The following NHSL2 variants were observed in gnomAD, a reference collection of about 807,000 sequenced individuals.
NHSL2 encodes NHS-like protein 2.
Under a neutral mutation model 53.4 loss-of-function variants are expected in NHSL2, and 27 were observed. That is an observed-to-expected ratio of 0.51 (90% CI 0.37 to 0.70). The LOEUF (loss-of-function observed/expected upper bound fraction) is 0.70, where lower values mean the gene tolerates loss of function less well. NHSL2 is among the 30% of genes least tolerant of loss of function. The probability of loss-of-function intolerance (pLI) is 0.00; values close to 1 mark genes in which losing one functional copy is unlikely to be tolerated. For missense variants in NHSL2, 892 were observed against 980.1 expected (o/e 0.91, Z 1.20); for synonymous variants, 408 against 404.1 (o/e 1.01, Z -0.12).
At chrX:72,107,292 T>C (rs1468878326) in intron 1 of NHSL2, among the ~76,000 whole-genome samples, 1 of 110,639 alleles carries the variant, frequency 9.0e-6, no homozygotes, top group Non-Finnish European at 1.9e-5. Flanking sequence ...AATAAATAAA[T>C]AAATAAACAA....
intron 1 of NHSL2, among the ~76,000 whole-genome samples, chrX:71,952,765 C>T (rs2041826710): frequency 9.0e-6 from 1 of 110,971 alleles, no homozygotes; most frequent in Admixed American, 9.5e-5. Context: ...TTTCACCTTC[C>T]TGTTGGGGTC....
At chrX:71,987,342 A>C (rs900254657) in intron 1 of NHSL2, among the ~76,000 whole-genome samples, 1 of 112,821 alleles carries the variant, frequency 8.9e-6, no homozygotes, top group Non-Finnish European at 1.9e-5. Flanking sequence ...CCAGGTCTGG[A>C]GTCTAGAACA....
chrX:72,151,228 G>C lies in NHSL2; in HGVS notation c.*7654G>C, dbSNP rs971590254. The C allele has an allele frequency of 1.9e-5, 2 of 107,640 alleles. No homozygotes were observed. The highest frequency in any genetic ancestry group is 6.9e-5 in the African/African-American group (2 of 29,151). The allele number at this position is 107,640 out of a possible 1,213,427, so 8.9% of individuals were successfully genotyped here. A position where few individuals can be genotyped will look rare whatever the true frequency, so the allele number is the denominator to read the frequency against. ...TTTAGTAGAGGCAGAGTTTCACCAT[G>C]TTGGCCAGGATGTTCTCGATCTCCT... On this transcript the variant is annotated 3_prime_UTR_variant, in exon 8 of 8. Coordinates refer to ENST00000633930, the MANE Select transcript of NHSL2 (RefSeq NM_001013627.3).
intron 1 of NHSL2, among the ~76,000 whole-genome samples, chrX:71,958,550 C>T (rs2041853563): frequency 9.0e-6 from 1 of 111,629 alleles, no homozygotes; most frequent in Non-Finnish European, 1.9e-5. Context: ...GGGGAGGGCA[C>T]ATTATTTTGC....
At chrX:71,918,497 C>T (rs966697648) in intron 1 of NHSL2, among the ~76,000 whole-genome samples, 28 of 110,907 alleles carry the variant, frequency 2.5e-4, no homozygotes, top group African/African-American at 9.2e-4. Context: ...ATAGCCTGAT[C>T]CCCAGTAACT....
intron 5 of NHSL2, 148 bp downstream of exon 5, chrX:72,137,373 AT>A (rs1208843160): frequency 2.0e-6 from 1 of 510,708 alleles, no homozygotes; most frequent in Non-Finnish European, 3.2e-6. Flanking sequence ...CAATATGGTA[AT>A]TAAGAATAGC....
At chrX:72,092,027 G>A (rs1166655807) in intron 1 of NHSL2, among the ~76,000 whole-genome samples, 1 of 111,466 alleles carries the variant, frequency 9.0e-6, no homozygotes, top group Non-Finnish European at 1.9e-5. Context: ...ACCAAATACA[G>A]AACTCAAGAT....
chrX:72,129,954 G>T, intron 1 of NHSL2: 1 of 1,211,535 alleles, frequency 8.3e-7, no homozygotes, highest in Non-Finnish European at 1.1e-6. Context: ...GAATCAGTTG[G>T]GGGGAGCTGT....
At chrX:72,000,723 C>A (rs1432858569) in intron 1 of NHSL2, among the ~76,000 whole-genome samples, 1 of 111,826 alleles carries the variant, frequency 8.9e-6, no homozygotes, top group South Asian at 3.7e-4. Flanking sequence ...ATCTCCTTCT[C>A]TGACTCTGAC....
chrX:72,085,836 C>T (rs1436768455), intron 1 of NHSL2, among the ~76,000 whole-genome samples: 1 of 108,791 alleles, frequency 9.2e-6, no homozygotes, highest in African/African-American at 3.4e-5. Flanking sequence ...CCCTACCACC[C>T]GTATGCTGCG....
At chrX:72,042,754 CAAA>C (rs5902691) in intron 1 of NHSL2, among the ~76,000 whole-genome samples, 309 of 94,783 alleles carry the variant, frequency 3.3e-3, no homozygotes, top group Middle Eastern at 5.2e-3. Flanking sequence ...ATCCCTGAGC[CAAA>C]AAAAAAAAAA....
chrX:72,024,179 G>A (rs1167095354), intron 1 of NHSL2, among the ~76,000 whole-genome samples: 1 of 112,085 alleles, frequency 8.9e-6, no homozygotes, highest in Non-Finnish European at 1.9e-5. Flanking sequence ...GGAGCGCTGT[G>A]GGTTTCCAAA....
chrX:72,080,506 T>C (rs2041781795), intron 1 of NHSL2, among the ~76,000 whole-genome samples: 1 of 109,721 alleles, frequency 9.1e-6, no homozygotes, highest in Non-Finnish European at 1.9e-5. Flanking sequence ...GTGGATGTGA[T>C]CACATCCCAA....
chrX:72,042,119 G>A (rs1391976798), intron 1 of NHSL2, among the ~76,000 whole-genome samples: 1 of 112,442 alleles, frequency 8.9e-6, no homozygotes, highest in Non-Finnish European at 1.9e-5. Flanking sequence ...GCCTTGTCTG[G>A]GGACAAGGGC....
At position 72,140,574 on chromosome X, in the gene NHSL2, G is replaced by A. The variant is rs1269970558; in HGVS notation, c.3026G>A (p.Ser1009Asn). 1 of 1,211,714 alleles carries A rather than the reference G, an allele frequency of 8.3e-7. No individual in the cohort carries two copies. Among genetic ancestry groups the A allele is most frequent in the South Asian group, 1.8e-5 (1 of 56,974 alleles). ...CCACCTCCCGTACCAAAAAAACCCAGCGTGCTGTACCTGCCTCTCACTTCT... is the reference window on the plus strand; with the variant it reads ...CCACCTCCCGTACCAAAAAAACCCAACGTGCTGTACCTGCCTCTCACTTCT... ...KIPPPVPKKP[S>N]VLYLPLTSPT... The change falls in exon 6 of 8, where the codon AGC becomes AAC. Residue 1009 changes from serine (S) to asparagine (N), a missense_variant. Physicochemically the swap from Ser to Asn is conservative, Grantham distance 46 (BLOSUM62 1). Coordinates refer to ENST00000633930, the MANE Select transcript of NHSL2 (RefSeq NM_001013627.3).
intron 1 of NHSL2, among the ~76,000 whole-genome samples, chrX:71,984,585 T>A (rs1276226326): frequency 2.7e-5 from 3 of 111,894 alleles, no homozygotes; most frequent in Non-Finnish European, 3.8e-5. Flanking sequence ...AGAGTCAGTA[T>A]AAATTGCAGA....
intron 1 of NHSL2, among the ~76,000 whole-genome samples, chrX:71,936,282 C>T (rs1012720643): frequency 1.8e-5 from 2 of 112,175 alleles, no homozygotes; most frequent in Admixed American, 1.9e-4. Flanking sequence ...CCTGCTCTCT[C>T]CTGCTCTGGG....
At chrX:72,050,550 A>G (rs2042334234) in intron 1 of NHSL2, among the ~76,000 whole-genome samples, 1 of 112,074 alleles carries the variant, frequency 8.9e-6, no homozygotes, top group African/African-American at 3.3e-5. Context: ...CCCAAAATGA[A>G]CAAATGTTAA....
intron 1 of NHSL2, among the ~76,000 whole-genome samples, chrX:72,076,448 C>A (rs891267982): frequency 9.0e-6 from 1 of 111,362 alleles, no homozygotes; most frequent in Non-Finnish European, 1.9e-5. Context: ...CAGGGTCATG[C>A]AGCTACAGAG....
Sources: gnomAD v4.1 joint callset for allele counts (sites outside exome capture counted in the v4.1 genomes callset) on GRCh38, gnomAD v4.1.1 for gene constraint, MANE v1.5 for transcripts, NCBI Gene and HGNC (gene_info 2026-07-23, HGNC 2026-07-21) for gene names.